Variants in LSAMP observed in about 807,000 individuals in gnomAD.
The protein encoded by LSAMP is limbic system associated membrane protein, also known as limbic system-associated membrane protein.
A neutral mutation model predicts 38.6 loss-of-function variants in LSAMP; 7 were observed. The ratio of observed to expected loss-of-function variants is 0.18; its 90% CI spans 0.10 to 0.34. The LOEUF (loss-of-function observed/expected upper bound fraction) is 0.34, where lower values mean the gene tolerates loss of function less well. LSAMP is among the 10% of genes least tolerant of loss of function. The pLI, the probability that LSAMP is intolerant of heterozygous loss-of-function variation, is 1.00. For synonymous variants in LSAMP, 154 were observed against 166.8 expected, an observed-to-expected ratio of 0.92 and a Z score of 0.59; for missense variants, 313 against 420.0, an observed-to-expected ratio of 0.75 and a Z score of 2.23.
intron 1 of LSAMP, among the ~76,000 whole-genome samples, chr3:116,332,747 A>T (rs1389578379): frequency 6.6e-6 from 1 of 152,148 alleles, no homozygotes; most frequent in East Asian, 1.9e-4. Flanking sequence ...CCTACAAGAA[A>T]CTTACTTTAG....
At chr3:116,045,558 A>G (rs535334940) in intron 2 of LSAMP, among the ~76,000 whole-genome samples, 2 of 151,470 alleles carry the variant, frequency 1.3e-5, no homozygotes, top group African/African-American at 2.4e-5. Context: ...AAAAAAAAAA[A>G]AAAAGCCTAA....
intron 4 of LSAMP, among the ~76,000 whole-genome samples, chr3:115,847,968 C>T (rs1935213534): frequency 6.6e-6 from 1 of 152,108 alleles, no homozygotes; most frequent in Non-Finnish European, 1.5e-5. Flanking sequence ...GGTTCTTGTC[C>T]ATATTGCAAA....
At chr3:116,197,163 A>ACACACT (rs1268040540) in intron 1 of LSAMP, among the ~76,000 whole-genome samples, 33 of 139,084 alleles carry the variant, frequency 2.4e-4, no homozygotes, top group African/African-American at 6.2e-4. Context: ...ACACACACAC[A>ACACACT]CTCTCTCTCT....
At chr3:115,939,530 C>CTCTT (rs377683505) in intron 3 of LSAMP, among the ~76,000 whole-genome samples, 10,017 of 99,562 alleles carry the variant, frequency 0.1, 739 homozygotes, top group African/African-American at 0.15. Flanking sequence ...TGTTCTCTTT[C>CTCTT]TCTTTCTTTC....
chr3:116,402,981 G>C (rs1002070126), intron 1 of LSAMP, among the ~76,000 whole-genome samples: 3 of 152,114 alleles, frequency 2.0e-5, no homozygotes, highest in Non-Finnish European at 4.4e-5. Context: ...AAATTCCCTA[G>C]GTTTCTGGAC....
At chr3:115,871,212 A>C (rs2107395482) in intron 3 of LSAMP, among the ~76,000 whole-genome samples, 1 of 152,256 alleles carries the variant, frequency 6.6e-6, no homozygotes, top group African/African-American at 2.4e-5. Flanking sequence ...TTGCATTCTC[A>C]TAGGGATTGG....
intron 1 of LSAMP, among the ~76,000 whole-genome samples, chr3:116,222,386 TGC>T (rs1248758389): frequency 6.6e-6 from 1 of 152,110 alleles, no homozygotes; most frequent in East Asian, 1.9e-4. Flanking sequence ...ACTTACTTGG[TGC>T]TCATTTTAAA....
intron 1 of LSAMP, among the ~76,000 whole-genome samples, chr3:116,329,581 A>C (rs2047822112): frequency 6.6e-6 from 1 of 152,202 alleles, no homozygotes. Flanking sequence ...ATTCTTAGCT[A>C]TCAAAAATTA....
At chr3:115,818,444 AAGCCTGGTGATTCTGCTGAAAGCT>A (rs1934101677) in intron 6 of LSAMP, among the ~76,000 whole-genome samples, 1 of 152,026 alleles carries the variant, frequency 6.6e-6, no homozygotes, top group South Asian at 2.1e-4. Context: ...GACAGGTAGG[AAGCCTGGTGATTCTGCTGAAAGCT>A]TTCTCTTCAC....
chr3:116,270,178 C>G (rs2107669001), intron 1 of LSAMP, among the ~76,000 whole-genome samples: 1 of 151,966 alleles, frequency 6.6e-6, no homozygotes, highest in East Asian at 1.9e-4. Context: ...GAAACATGTC[C>G]TAATAAGTAT....
At chr3:116,112,713 A>G (rs1306485538) in intron 1 of LSAMP, among the ~76,000 whole-genome samples, 1 of 152,192 alleles carries the variant, frequency 6.6e-6, no homozygotes, top group African/African-American at 2.4e-5. Flanking sequence ...CAATAACTGG[A>G]TAAGGAAGTG....
chr3:116,060,805 C>T (rs1465514178), intron 2 of LSAMP, among the ~76,000 whole-genome samples: 2 of 151,760 alleles, frequency 1.3e-5, no homozygotes, highest in Non-Finnish European at 2.9e-5. Flanking sequence ...CAAAAACCCA[C>T]AAAAACATAT....
At chr3:116,041,925 G>A (rs945362243) in intron 2 of LSAMP, among the ~76,000 whole-genome samples, 3 of 151,778 alleles carry the variant, frequency 2.0e-5, no homozygotes, top group South Asian at 2.1e-4. Flanking sequence ...TATTTTACTT[G>A]GATATGTTTG....
chr3:116,196,485 A>G (rs556920213), intron 1 of LSAMP, among the ~76,000 whole-genome samples: 3 of 152,330 alleles, frequency 2.0e-5, no homozygotes, highest in South Asian at 4.1e-4. Context: ...TCTCAAGTAG[A>G]TCATAACTAG....
intron 1 of LSAMP, among the ~76,000 whole-genome samples, chr3:116,309,467 A>C (rs769980054): frequency 3.9e-5 from 6 of 152,104 alleles, no homozygotes; most frequent in Non-Finnish European, 5.9e-5. Context: ...ATTTAGTTTA[A>C]TTTAAATCAA....
chr3:116,261,401 G>A (rs1426491475), intron 1 of LSAMP, among the ~76,000 whole-genome samples: 3 of 152,010 alleles, frequency 2.0e-5, no homozygotes, highest in Non-Finnish European at 2.9e-5. Context: ...GTGTCTGTTG[G>A]GCCAGTGCTC....
intron 2 of LSAMP, among the ~76,000 whole-genome samples, chr3:116,074,844 C>CTTT (rs1161460100): frequency 2.3e-5 from 3 of 128,406 alleles, no homozygotes; most frequent in Non-Finnish European, 3.3e-5. Context: ...TTTCTTTATT[C>CTTT]TTTTTTTTTT....
Position 115,842,724 on chromosome 3 carries a change from A to G in LSAMP, c.650-146T>C, listed in dbSNP as rs1935036097. On this transcript the variant is annotated intron_variant, in intron 4 of 6. Transcript: ENST00000490035. Reference sequence around the variant, plus strand: ...CTCCATTTGTATGAATTATGTGATCAGCTCAATGGGGTTGATCACCAAAAA... The same window carrying G: ...CTCCATTTGTATGAATTATGTGATCGGCTCAATGGGGTTGATCACCAAAAA... 4 of 932,050 alleles carry G rather than the reference A, an allele frequency of 4.3e-6. No homozygotes were observed. In the South Asian group the frequency reaches 7.1e-5, roughly 16 times the overall value. The allele number at this position is 932,050 out of a possible 1,614,324, so 57.7% of individuals were successfully genotyped here.
At chr3:116,381,486 G>A (rs1016371529) in intron 1 of LSAMP, among the ~76,000 whole-genome samples, 1 of 152,030 alleles carries the variant, frequency 6.6e-6, no homozygotes, top group Non-Finnish European at 1.5e-5. Context: ...ACGTCCCACA[G>A]TAAAATATTT....
Sources: gnomAD v4.1 joint callset for allele counts (sites outside exome capture counted in the v4.1 genomes callset) on GRCh38, gnomAD v4.1.1 for gene constraint, MANE v1.5 for transcripts, NCBI Gene and HGNC (gene_info 2026-07-23, HGNC 2026-07-21) for gene names.